Variants in NAV3 observed in about 807,000 individuals in gnomAD.
NAV3 encodes neuron navigator 3.
Under a neutral mutation model 244.7 loss-of-function variants are expected in NAV3, and 87 were observed. The ratio of observed to expected loss-of-function variants is 0.36; its 90% CI spans 0.30 to 0.42. The LOEUF (loss-of-function observed/expected upper bound fraction) is 0.42, where lower values mean the gene tolerates loss of function less well. NAV3 is among the 20% of genes least tolerant of loss of function. The probability of loss-of-function intolerance (pLI) is 1.00; values close to 1 mark genes in which losing one functional copy is unlikely to be tolerated. For synonymous variants in NAV3, 1,126 were observed against 1,042.2 expected (o/e 1.08, Z -1.55); for missense variants, 2,663 against 2,893.3 (o/e 0.92, Z 1.83).
intron 2 of NAV3, among the ~76,000 whole-genome samples, chr12:77,757,015 C>T (rs932218756): frequency 1.3e-5 from 2 of 152,154 alleles, no homozygotes; most frequent in African/African-American, 4.8e-5. Flanking sequence ...TATTAGGTGG[C>T]ACTTGCTAGG....
chr12:77,793,223 A>C (rs1372601708), intron 2 of NAV3, among the ~76,000 whole-genome samples: 1 of 152,234 alleles, frequency 6.6e-6, no homozygotes, highest in Admixed American at 6.5e-5. Flanking sequence ...GCAATGTTAC[A>C]TTGAGATCAG....
intron 1 of NAV3, among the ~76,000 whole-genome samples, chr12:77,839,131 T>C (rs937509431): frequency 2.6e-5 from 4 of 152,202 alleles, no homozygotes; most frequent in Admixed American, 6.5e-5. Flanking sequence ...AGCATGTCTA[T>C]CTCTATCCAC....
At chr12:77,646,972 A>G (rs1461833719) in intron 2 of NAV3, among the ~76,000 whole-genome samples, 1 of 151,896 alleles carries the variant, frequency 6.6e-6, no homozygotes, top group African/African-American at 2.4e-5. Flanking sequence ...TTCGTTTTTG[A>G]CCTATAAAAA....
chr12:77,602,031 C>A (rs1467457798), intron 2 of NAV3, among the ~76,000 whole-genome samples: 5 of 151,962 alleles, frequency 3.3e-5, no homozygotes, highest in African/African-American at 1.2e-4. Context: ...AAGTTTATTT[C>A]TCTGTCAGCC....
intron 2 of NAV3, among the ~76,000 whole-genome samples, chr12:77,797,004 A>G (rs1243970849): frequency 6.6e-6 from 1 of 152,164 alleles, no homozygotes; most frequent in Admixed American, 6.5e-5. Context: ...TCTCTGAGGT[A>G]TGCCTATATC....
chr12:78,199,180 C>T, intron 36 of NAV3, 155 bp from the exon 37 acceptor site: 1 of 725,558 alleles, frequency 1.4e-6, no homozygotes, highest in East Asian at 2.8e-5. Flanking sequence ...CTCCTAACAC[C>T]TTTGATCATG....
intron 1 of NAV3, among the ~76,000 whole-genome samples, chr12:77,858,125 A>AT (rs1878677127): frequency 6.6e-6 from 1 of 152,042 alleles, no homozygotes; most frequent in Non-Finnish European, 1.5e-5. Flanking sequence ...CTGGCCTGTG[A>AT]GTTTTACTTT....
chr12:77,996,332 G>C (rs1468231825), intron 6 of NAV3, among the ~76,000 whole-genome samples: 1 of 152,082 alleles, frequency 6.6e-6, no homozygotes, highest in Non-Finnish European at 1.5e-5. Context: ...AGCATCTGTC[G>C]TTATTATGCT....
intron 30 of NAV3, among the ~76,000 whole-genome samples, chr12:78,183,991 A>G (rs1013952977): frequency 1.3e-5 from 2 of 151,776 alleles, no homozygotes; most frequent in Non-Finnish European, 2.9e-5. Flanking sequence ...TCACTTATCT[A>G]GCATTCCTCA....
chr12:77,955,399 G>T (rs1282663383), intron 3 of NAV3, among the ~76,000 whole-genome samples: 3 of 152,152 alleles, frequency 2.0e-5, no homozygotes, highest in Non-Finnish European at 2.9e-5. Context: ...GTGGGGGTTA[G>T]GAACATGGGC....
At chr12:77,664,950 G>A (rs904110252) in intron 2 of NAV3, among the ~76,000 whole-genome samples, 2 of 152,104 alleles carry the variant, frequency 1.3e-5, no homozygotes, top group Admixed American at 6.6e-5. Flanking sequence ...TTGTGATGTT[G>A]TCCAGGCTGG....
chr12:77,845,395 TATTTCAG>T (rs148814055), intron 1 of NAV3, among the ~76,000 whole-genome samples: 1,813 of 152,288 alleles, frequency 0.012, 31 homozygotes, highest in African/African-American at 0.041. Context: ...TGAATGACTT[TATTTCAG>T]ATTTTTGCTA....
intron 2 of NAV3, among the ~76,000 whole-genome samples, chr12:77,728,636 A>C (rs895433854): frequency 2.0e-5 from 3 of 151,920 alleles, no homozygotes; most frequent in African/African-American, 7.2e-5. Context: ...TTATGGCTGG[A>C]GAAGTACAGT....
At chr12:77,763,010 C>G (rs915417096) in intron 2 of NAV3, among the ~76,000 whole-genome samples, 3 of 152,144 alleles carry the variant, frequency 2.0e-5, no homozygotes, top group Admixed American at 1.3e-4. Flanking sequence ...TTGCATTTCC[C>G]ATTCAGAATT....
intron 2 of NAV3, among the ~76,000 whole-genome samples, chr12:77,613,276 A>G (rs530049200): frequency 1.3e-4 from 20 of 152,186 alleles, no homozygotes; most frequent in Non-Finnish European, 2.5e-4. Context: ...TACTTTTCAA[A>G]TGTGTTCTTT....
At chr12:77,614,423 T>C (rs2136836170) in intron 2 of NAV3, among the ~76,000 whole-genome samples, 1 of 152,238 alleles carries the variant, frequency 6.6e-6, no homozygotes, top group African/African-American at 2.4e-5. Flanking sequence ...TCTAGGCCCC[T>C]TTTGTCCTCA....
intron 2 of NAV3, among the ~76,000 whole-genome samples, chr12:77,755,639 TTCCTTCCTTCCTTCCTTCCA>T (rs1459477928): frequency 1.5e-5 from 2 of 131,484 alleles, no homozygotes; most frequent in African/African-American, 3.0e-5. Flanking sequence ...CCTTCCTTCC[TTCCTTCCTTCCTTCCTTCCA>T]CTCTCTCTCT....
At chr12:77,617,776 C>G (rs1231162450) in intron 2 of NAV3, among the ~76,000 whole-genome samples, 1 of 152,212 alleles carries the variant, frequency 6.6e-6, no homozygotes, top group Non-Finnish European at 1.5e-5. Context: ...TGTTCAGCTC[C>G]TAGTGGGTTC....
chr12:77,845,311 A>C (rs1876430131), intron 1 of NAV3, among the ~76,000 whole-genome samples: 1 of 152,216 alleles, frequency 6.6e-6, no homozygotes, highest in Non-Finnish European at 1.5e-5. Context: ...GGCTCAGTGC[A>C]GTCTGGCACT....
Sources: allele counts gnomAD v4.1 joint callset (sites outside exome capture counted in the v4.1 genomes callset), GRCh38; gene constraint gnomAD v4.1.1; transcripts MANE v1.5; gene names NCBI Gene and HGNC (gene_info 2026-07-23, HGNC 2026-07-21).